The following DOCK1 variants were observed in gnomAD, a reference collection of about 807,000 sequenced individuals.
The protein encoded by DOCK1 is dedicator of cytokinesis 1.
Under a neutral mutation model 262.7 loss-of-function variants are expected in DOCK1, and 138 were observed. The ratio of observed to expected loss-of-function variants is 0.53; its 90% CI spans 0.46 to 0.61. The LOEUF (loss-of-function observed/expected upper bound fraction) is 0.61. DOCK1 is among the 20% of genes least tolerant of loss of function. The pLI, the probability that DOCK1 is intolerant of heterozygous loss-of-function variation, is 0.00. For synonymous variants in DOCK1, 866 were observed against 867.4 expected, an observed-to-expected ratio of 1.00 and a Z score of 0.03; for missense variants, 1,908 against 2,370.7, an observed-to-expected ratio of 0.80 and a Z score of 4.05.
At chr10:127,394,205 C>T (rs1035838222) in intron 38 of DOCK1, among the ~76,000 whole-genome samples, 1 of 152,102 alleles carries the variant, frequency 6.6e-6, no homozygotes, top group African/African-American at 2.4e-5. Flanking sequence ...AATCAAGAAA[C>T]AGCCTGGCAG....
intron 19 of DOCK1, among the ~76,000 whole-genome samples, chr10:127,040,558 C>A (rs183006365): frequency 5.3e-5 from 8 of 152,142 alleles, no homozygotes; most frequent in African/African-American, 1.9e-4. Flanking sequence ...CACAGCACTC[C>A]TTTGCGAGCA....
intron 15 of DOCK1, 104 bp downstream of exon 15, chr10:127,024,887 A>G: frequency 1.1e-6 from 1 of 946,932 alleles, no homozygotes; most frequent in Non-Finnish European, 1.5e-6. Flanking sequence ...GAGCTGCTCC[A>G]GGCAGGCAGA....
chr10:127,405,677 G>A (rs557541523), intron 40 of DOCK1, among the ~76,000 whole-genome samples: 1 of 152,266 alleles, frequency 6.6e-6, no homozygotes, highest in African/African-American at 2.4e-5. Context: ...AGAGGATACA[G>A]ACCTCCCCTT....
At chr10:127,117,256 GAA>G (rs2049243297) in intron 25 of DOCK1, among the ~76,000 whole-genome samples, 1 of 152,162 alleles carries the variant, frequency 6.6e-6, no homozygotes, top group Admixed American at 6.5e-5. Context: ...TGTAGAATTG[GAA>G]AAGAGTGATT....
intron 18 of DOCK1, among the ~76,000 whole-genome samples, chr10:127,033,528 A>T (rs1409961346): frequency 6.6e-6 from 1 of 152,144 alleles, no homozygotes. Flanking sequence ...GTGCAGAGTG[A>T]CTTTATGCTC....
intron 33 of DOCK1, among the ~76,000 whole-genome samples, chr10:127,366,774 G>A (rs1020091632): frequency 3.9e-5 from 6 of 152,278 alleles, no homozygotes; most frequent in Non-Finnish European, 5.9e-5. Context: ...GGGGATGGTC[G>A]GCTGCTGCCT....
chr10:127,125,325 A>T (rs1434313464), intron 25 of DOCK1, 149 bp from the exon 26 acceptor site: 2 of 984,664 alleles, frequency 2.0e-6, no homozygotes, highest in Non-Finnish European at 3.0e-6. Context: ...GTGTTCTCAC[A>T]GTCAAGTAAT....
At chr10:127,131,353 A>C (rs1412806700) in intron 27 of DOCK1, among the ~76,000 whole-genome samples, 1 of 152,186 alleles carries the variant, frequency 6.6e-6, no homozygotes, top group African/African-American at 2.4e-5. Context: ...CAATTCCACC[A>C]TCTCTAAGAT....
At chr10:127,151,825 G>A (rs533909831) in intron 27 of DOCK1, among the ~76,000 whole-genome samples, 2 of 152,194 alleles carry the variant, frequency 1.3e-5, no homozygotes, top group South Asian at 2.1e-4. Flanking sequence ...TGATGTATTC[G>A]GATTCATGTA....
intron 29 of DOCK1, among the ~76,000 whole-genome samples, chr10:127,305,676 C>T (rs745907600): frequency 1.3e-5 from 2 of 152,146 alleles, no homozygotes; most frequent in African/African-American, 4.8e-5. Context: ...TCAGGAACAT[C>T]GTGTTGGGTT....
intron 28 of DOCK1, among the ~76,000 whole-genome samples, chr10:127,249,678 G>A (rs1216964875): frequency 6.6e-6 from 1 of 152,186 alleles, no homozygotes; most frequent in East Asian, 1.9e-4. Context: ...TGGCTATGAT[G>A]TCACTAGGTG....
rs1211006286 is a variant in DOCK1 at position 127,384,924 on chromosome 10, G to A, written c.3927+15G>A. 8 of 1,573,452 alleles carry A rather than the reference G, an allele frequency of 5.1e-6. No homozygotes were observed. In the Admixed American group the frequency reaches 5.8e-5, roughly 11 times the overall value. ...ACAAAGGCAAGGTAAAACACAAAAA[G>A]CAATTGTCCTTGTTTTCCTCTTTCC... On this transcript the variant is annotated intron_variant, in intron 38 of 51. Transcript: ENST00000623213.
intron 23 of DOCK1, among the ~76,000 whole-genome samples, chr10:127,074,438 C>T (rs1225340610): frequency 6.6e-6 from 1 of 152,134 alleles, no homozygotes; most frequent in African/African-American, 2.4e-5. Flanking sequence ...ATTTAGAATC[C>T]TGTGCCAGGC....
intron 50 of DOCK1, 37 bp from the exon 51 acceptor site, chr10:127,447,357 A>C (rs1051503692): frequency 4.4e-6 from 7 of 1,596,052 alleles, no homozygotes; most frequent in Non-Finnish European, 5.1e-6. Context: ...CTCCGTGGGG[A>C]AGTCGGGCTG....
chr10:127,068,004 A>G (rs74158604), intron 23 of DOCK1, among the ~76,000 whole-genome samples: 37,142 of 151,820 alleles, frequency 0.24, 4,718 homozygotes, highest in African/African-American at 0.3. Context: ...AGGCTTCCCC[A>G]TCTCTTTCCA....
chr10:126,964,422 C>T (rs1052895286), intron 1 of DOCK1, among the ~76,000 whole-genome samples: 4,253 of 152,192 alleles, frequency 0.028, 224 homozygotes, highest in African/African-American at 0.097. Context: ...CGAGACCAGG[C>T]GGATGGCCCT....
chr10:127,268,299 CA>C (rs1287091640), intron 29 of DOCK1, among the ~76,000 whole-genome samples: 2 of 151,718 alleles, frequency 1.3e-5, no homozygotes, highest in African/African-American at 4.8e-5. Flanking sequence ...AGTTCGAGAC[CA>C]GCCTGACCAA....
chr10:127,180,760 C>A (rs1281237978), intron 27 of DOCK1, among the ~76,000 whole-genome samples: 1 of 151,872 alleles, frequency 6.6e-6, no homozygotes, highest in African/African-American at 2.4e-5. Context: ...TCACTCTGGG[C>A]GGCCATTAAA....
chr10:127,015,508 C>T (rs1268062504), intron 12 of DOCK1, among the ~76,000 whole-genome samples: 1 of 152,200 alleles, frequency 6.6e-6, no homozygotes, highest in Non-Finnish European at 1.5e-5. Context: ...TCTTTCCTTC[C>T]CCACTCTGGG....
Sources: allele counts gnomAD v4.1 joint callset (sites outside exome capture counted in the v4.1 genomes callset), GRCh38; gene constraint gnomAD v4.1.1; transcripts MANE v1.5; gene names NCBI Gene and HGNC (gene_info 2026-07-23, HGNC 2026-07-21).